The following ATF7IP variants were observed in gnomAD, a reference collection of about 807,000 sequenced individuals.
ATF7IP encodes activating transcription factor 7 interacting protein, also known as activating transcription factor 7-interacting protein 1.
A neutral mutation model predicts 106.4 loss-of-function variants in ATF7IP; 23 were observed. That is an observed-to-expected ratio of 0.22 (90% CI 0.16 to 0.31). ATF7IP has a LOEUF of 0.31. Ranked by LOEUF, ATF7IP falls within the 10% of genes least tolerant of loss-of-function variation. The probability of loss-of-function intolerance (pLI) is 1.00; values close to 1 mark genes in which losing one functional copy is unlikely to be tolerated. For missense variants in ATF7IP, 1,334 were observed against 1,524.3 expected, an observed-to-expected ratio of 0.88 and a Z score of 2.08; for synonymous variants, 542 against 539.0, an observed-to-expected ratio of 1.01 and a Z score of -0.08.
At chr12:14,494,397 C>T (rs1167346597) in intron 13 of ATF7IP, among the ~76,000 whole-genome samples, 3 of 124,552 alleles carry the variant, frequency 2.4e-5, no homozygotes, top group South Asian at 2.5e-4. Flanking sequence ...ATAATATATA[C>T]TATATATAAA....
chr12:14,433,479 T>C (rs1440408912), intron 2 of ATF7IP, among the ~76,000 whole-genome samples: 1 of 152,016 alleles, frequency 6.6e-6, no homozygotes, highest in Non-Finnish European at 1.5e-5. Context: ...TACACTAGCC[T>C]GGCGACAGAG....
At chr12:14,475,055 C>T (rs114483608) in intron 10 of ATF7IP, among the ~76,000 whole-genome samples, 2,535 of 152,168 alleles carry the variant, frequency 0.017, 72 homozygotes, top group African/African-American at 0.058. Flanking sequence ...ACTTGAGTAT[C>T]GCAGATGAAA....
At chr12:14,404,375 A>G (rs1186742840) in intron 1 of ATF7IP, among the ~76,000 whole-genome samples, 1 of 152,176 alleles carries the variant, frequency 6.6e-6, no homozygotes, top group African/African-American at 2.4e-5. Context: ...TTGTCCTATA[A>G]TCATGACCAC....
chr12:14,495,526 C>T (rs759343740), intron 13 of ATF7IP, among the ~76,000 whole-genome samples: 11 of 152,098 alleles, frequency 7.2e-5, no homozygotes, highest in Admixed American at 1.3e-4. Flanking sequence ...GGAACCAGGC[C>T]GAACTACAGC....
At chr12:14,419,755 AT>A (rs1231071196) in intron 1 of ATF7IP, among the ~76,000 whole-genome samples, 1 of 152,146 alleles carries the variant, frequency 6.6e-6, no homozygotes, top group Non-Finnish European at 1.5e-5. Flanking sequence ...TATTATACAA[AT>A]TTTGTATAAT....
At chr12:14,481,686 A>G (rs1447039241) in intron 13 of ATF7IP, 6 of 426,190 alleles carry the variant, frequency 1.4e-5, no homozygotes, top group Admixed American at 2.7e-5. Context: ...AACTTTATTT[A>G]TGGCCTGTAT....
At chr12:14,472,916 T>G (rs79111824) in intron 10 of ATF7IP, among the ~76,000 whole-genome samples, 17 of 152,322 alleles carry the variant, frequency 1.1e-4, no homozygotes, top group African/African-American at 3.6e-4. Context: ...TGGCTCATGG[T>G]TCTACAGCAG....
At chr12:14,452,001 A>G (rs1424492599) in intron 6 of ATF7IP, among the ~76,000 whole-genome samples, 2 of 151,950 alleles carry the variant, frequency 1.3e-5, no homozygotes, top group East Asian at 1.9e-4. Context: ...TCTCCCTTCC[A>G]TTCTTTCAAT....
intron 13 of ATF7IP, 119 bp from the exon 14 acceptor site, chr12:14,496,112 T>TA: frequency 1.5e-6 from 1 of 663,178 alleles, no homozygotes; most frequent in South Asian, 2.1e-5. Context: ...AGGTTAGAAA[T>TA]ATCTTTCCTT....
At chr12:14,460,371 T>C (rs918900109) in intron 8 of ATF7IP, 124 bp from the exon 9 acceptor site, 12 of 957,308 alleles carry the variant, frequency 1.3e-5, no homozygotes, top group Middle Eastern at 2.9e-4. Context: ...AAAAATTTCA[T>C]GATAAAAGAC....
intron 7 of ATF7IP, among the ~76,000 whole-genome samples, chr12:14,456,963 G>C (rs1423935072): frequency 6.6e-6 from 1 of 152,188 alleles, no homozygotes; most frequent in East Asian, 1.9e-4. Context: ...TTGGTATTCA[G>C]GTTAAGTACT....
intron 11 of ATF7IP, among the ~76,000 whole-genome samples, chr12:14,476,593 C>G (rs1338326816): frequency 1.3e-5 from 2 of 151,974 alleles, no homozygotes; most frequent in African/African-American, 4.8e-5. Flanking sequence ...CTTGAGGAAA[C>G]TTGTTAGCCT....
chr12:14,476,000 T>C (rs1944251059), intron 11 of ATF7IP, 32 bp downstream of exon 11: 2 of 1,523,326 alleles, frequency 1.3e-6, no homozygotes, highest in African/African-American at 1.4e-5. Flanking sequence ...TAAGCAACGT[T>C]TTGATACCAT....
chr12:14,451,542 T>C (rs1372863331), intron 6 of ATF7IP, among the ~76,000 whole-genome samples: 1 of 152,150 alleles, frequency 6.6e-6, no homozygotes, highest in African/African-American at 2.4e-5. Flanking sequence ...TTTCACTGCA[T>C]ACAATTTATT....
intron 3 of ATF7IP, among the ~76,000 whole-genome samples, 174 bp downstream of exon 3, chr12:14,434,597 T>C (rs1942310750): frequency 6.6e-6 from 1 of 152,248 alleles, no homozygotes; most frequent in Admixed American, 6.5e-5. Flanking sequence ...GTATGTTTCA[T>C]ACACTTCAAT....
intron 5 of ATF7IP, among the ~76,000 whole-genome samples, chr12:14,443,084 G>A (rs1382161226): frequency 6.6e-6 from 1 of 152,198 alleles, no homozygotes; most frequent in Non-Finnish European, 1.5e-5. Context: ...GAACCCAGGA[G>A]GCGGAGGTTG....
chr12:14,473,336 GGTT>G (rs968498217), intron 10 of ATF7IP, among the ~76,000 whole-genome samples: 27 of 145,644 alleles, frequency 1.9e-4, no homozygotes, highest in African/African-American at 6.8e-4. Flanking sequence ...GTGTTTTAGG[GGTT>G]GTTCTAGAGT....
At chr12:14,484,510 A>G (rs1410903545) in intron 13 of ATF7IP, among the ~76,000 whole-genome samples, 1 of 152,214 alleles carries the variant, frequency 6.6e-6, no homozygotes, top group Non-Finnish European at 1.5e-5. Context: ...TGCTGCTTGA[A>G]GTTCTGCCAA....
Position 14,445,895 on chromosome 12 carries a change from GCAGCAA to G in ATF7IP, c.1930-1083_1930-1078del, listed in dbSNP as rs922631395. Among the ~76,000 whole-genome samples the G allele has an allele frequency of 3.9e-5, 6 of 151,984 alleles. No individual in the cohort carries two copies. In the East Asian group the frequency reaches 1.2e-3, roughly 29 times the overall value. On this transcript the variant is annotated intron_variant, in intron 5 of 14. Coordinates refer to ENST00000261168, the MANE Select transcript of ATF7IP (RefSeq NM_018179.5). ...ATATGTTTAATTTAAAATGGCTTCA[GCAGCAA>G]CAGCAACAGAAACAGTTGAATATTA...
Sources: gnomAD v4.1 joint callset for allele counts (sites outside exome capture counted in the v4.1 genomes callset) on GRCh38, gnomAD v4.1.1 for gene constraint, MANE v1.5 for transcripts, NCBI Gene and HGNC (gene_info 2026-07-23, HGNC 2026-07-21) for gene names.